The following DCHS2 variants were observed in gnomAD, a reference collection of about 807,000 sequenced individuals.
DCHS2 encodes protocadherin-23.
DCHS2 carries 142 observed loss-of-function variants against 182.4 expected under a neutral mutation model. The ratio of observed to expected loss-of-function variants is 0.78; its 90% CI spans 0.68 to 0.89. The LOEUF is 0.89. DCHS2 is among the 40% of genes least tolerant of loss of function. The pLI is 0.00. For synonymous variants in DCHS2, 1,740 were observed against 1,663.3 expected, an observed-to-expected ratio of 1.05 and a Z score of -1.12; for missense variants, 4,319 against 4,198.6, an observed-to-expected ratio of 1.03 and a Z score of -0.79.
chr4:154,295,926 C>A (rs995266385), intron 13 of DCHS2, among the ~76,000 whole-genome samples: 1 of 152,194 alleles, frequency 6.6e-6, no homozygotes, highest in Non-Finnish European at 1.5e-5. Flanking sequence ...TTCAAAACAT[C>A]AAGATCTAAT....
intron 1 of DCHS2, among the ~76,000 whole-genome samples, chr4:154,427,472 T>C (rs2110927155): frequency 6.6e-6 from 1 of 152,344 alleles, no homozygotes; most frequent in African/African-American, 2.4e-5. Flanking sequence ...TCCATGACTA[T>C]TGCCCGACCA....
At chr4:154,285,572 G>A (rs1734357288) in intron 13 of DCHS2, among the ~76,000 whole-genome samples, 1 of 152,196 alleles carries the variant, frequency 6.6e-6, no homozygotes, top group South Asian at 2.1e-4. Context: ...TTGGCCTTGA[G>A]TGAACATTAG....
Position 154,490,475 on chromosome 4 carries a change from G to A in DCHS2, c.881C>T (p.Pro294Leu), listed in dbSNP as rs1728777217. ...LRVLDENDNP[P>L]VFEQDEYRAA... ...GCGGTACTCGTCCTGCTCAAAGACC[G>A]GCGGGTTGTCGTTCTCATCCAGCAC... is the stretch of plus-strand genomic sequence containing the variant. The change falls in exon 1 of 20, where the codon CCG becomes CTG. Residue 294 changes from proline to leucine, a missense_variant. Transcript: ENST00000357232. 2.0e-6 allele frequency: 3 copies of A among 1,536,724 alleles called. No individual in the cohort carries two copies. Among genetic ancestry groups the A allele is most frequent in the South Asian group, 1.2e-5 (1 of 83,976 alleles).
chr4:154,468,286 C>T (rs1735319435), intron 1 of DCHS2, among the ~76,000 whole-genome samples: 1 of 152,022 alleles, frequency 6.6e-6, no homozygotes, highest in African/African-American at 2.4e-5. Flanking sequence ...AAATGTGCAG[C>T]AGTATTACTG....
chr4:154,384,591 G>A (rs1731318757), intron 1 of DCHS2: 3 of 1,455,880 alleles, frequency 2.1e-6, no homozygotes, highest in Non-Finnish European at 2.7e-6. Context: ...CAACAGACAT[G>A]ATTAAGTTGA....
intron 13 of DCHS2, among the ~76,000 whole-genome samples, chr4:154,278,619 T>TAA (rs199732519): frequency 2.1e-4 from 30 of 143,932 alleles, no homozygotes; most frequent in South Asian, 4.4e-4. Context: ...AATCTTAAAT[T>TAA]AAAAAAAAAA....
intron 15 of DCHS2, among the ~76,000 whole-genome samples, chr4:154,256,297 C>T (rs988348500): frequency 1.3e-5 from 2 of 152,078 alleles, no homozygotes; most frequent in Non-Finnish European, 2.9e-5. Flanking sequence ...CCATGCCCAG[C>T]TAATTTTTGT....
In DCHS2 at chr4:154,384,583, A is replaced by T. The variant is rs537823782; in HGVS notation, c.2053-7139T>A. 177 of 1,474,914 alleles carry T rather than the reference A, an allele frequency of 1.2e-4. No individual in the cohort carries two copies. The African/African-American group carries it at 2.3e-3, about 19-fold the overall frequency. 91.4% of individuals were successfully genotyped at this position (1,474,914 alleles called of 1,614,324 possible). ...GTAGTGAGTACTACCTTATATGGCA[A>T]CAGACATGATTAAGTTGAGGATTTT... On this transcript the variant is annotated intron_variant, in intron 1 of 19. Transcript: ENST00000357232.
chr4:154,454,452 C>G (rs959114732), intron 1 of DCHS2, among the ~76,000 whole-genome samples: 2 of 152,118 alleles, frequency 1.3e-5, no homozygotes, highest in East Asian at 3.8e-4. Context: ...CCATGTTGCC[C>G]AGGCTAACAA....
At position 154,329,375 on chromosome 4, in the gene DCHS2, A is replaced by G. The variant is rs1181088126; in HGVS notation, c.3918+148T>C. 3 of 743,746 alleles carry G rather than the reference A, an allele frequency of 4.0e-6. No individual in the cohort carries two copies. In the East Asian group the frequency reaches 8.3e-5, roughly 20 times the overall value. The allele number at this position is 743,746 out of a possible 1,614,324, so 46.1% of individuals were successfully genotyped here. ...TTTTTAAAAATTTTCTTTTAAAATA[A>G]CATGTGCACAGTATCTAGGTCTTCT... On this transcript the variant is annotated intron_variant, in intron 6 of 19. Coordinates refer to ENST00000357232, the MANE Select transcript of DCHS2 (RefSeq NM_001358235.2).
rs550133541 is a variant in DCHS2, at chr4:154,233,183, A to G, written c.*1353T>C. 6.6e-6 allele frequency: 1 copy of G among 152,286 alleles called. No individual in the cohort carries two copies. The highest frequency in any genetic ancestry group is 2.4e-5 in the African/African-American group (1 of 41,558). 9.4% of individuals were successfully genotyped at this position (152,286 alleles called of 1,614,324 possible). A position where few individuals can be genotyped will look rare whatever the true frequency, so the allele number is the denominator to read the frequency against. ...AGAATTCCTAAACTGTTAGCCTAAC[A>G]CCTGGCCCTCATGCTGACCACAGGA... On this transcript the variant is annotated 3_prime_UTR_variant, in exon 20 of 20. Coordinates refer to ENST00000357232, the MANE Select transcript of DCHS2 (RefSeq NM_001358235.2).
chr4:154,311,908 A>G (rs1735683794), intron 10 of DCHS2, among the ~76,000 whole-genome samples: 2 of 152,196 alleles, frequency 1.3e-5, no homozygotes, highest in South Asian at 4.1e-4. Flanking sequence ...AAGTTTTAAC[A>G]GTGATTGTCT....
At chr4:154,273,218 T>C (rs954047392) in intron 13 of DCHS2, among the ~76,000 whole-genome samples, 7 of 151,768 alleles carry the variant, frequency 4.6e-5, no homozygotes, top group African/African-American at 1.5e-4. Flanking sequence ...AATCATCGAG[T>C]AGATTAAGAA....
At chr4:154,369,220 A>C (rs1443007552) in intron 2 of DCHS2, among the ~76,000 whole-genome samples, 1 of 152,186 alleles carries the variant, frequency 6.6e-6, no homozygotes, top group Non-Finnish European at 1.5e-5. Flanking sequence ...TTTACAAAAA[A>C]GGTAGAGAAC....
intron 19 of DCHS2, 143 bp from the exon 20 acceptor site, chr4:154,237,302 A>G: frequency 9.2e-7 from 1 of 1,088,584 alleles, no homozygotes; most frequent in East Asian, 2.6e-5. Flanking sequence ...ATGACTCCAA[A>G]TAGAAATACA....
intron 1 of DCHS2, among the ~76,000 whole-genome samples, chr4:154,468,496 A>C (rs922355967): frequency 6.6e-6 from 1 of 152,098 alleles, no homozygotes; most frequent in Non-Finnish European, 1.5e-5. Flanking sequence ...ATTTATGAAT[A>C]TGTTCATTAA....
In DCHS2 at chr4:154,234,686, T is replaced by A. The variant is rs1410557614; in HGVS notation, c.9966A>T (p.Glu3322Asp). ...ATGGAGAAAAATTGGGAGTCATGCC[T>A]TCTGGCAGAGAACCAAGATGGTAGG... ...PIPYHLGSLP[E>D]GMTPNFSPSL... The change falls in exon 20 of 20, where the codon GAA (glutamate) becomes GAT (aspartate). Residue 3322 changes from glutamate (E) to aspartate (D), a missense_variant. Glu to Asp is a conservative substitution (Grantham distance 45). Transcript: ENST00000357232. 8.7e-6 allele frequency: 14 copies of A among 1,613,838 alleles called. No individual in the cohort carries two copies. Among genetic ancestry groups the A allele is most frequent in the Non-Finnish European group, 1.0e-5 (12 of 1,179,938 alleles).
Position 154,489,688 on chromosome 4 carries a change from A to G in DCHS2, c.1668T>C (p.Thr556=). ...CGGAGGCGCTGACCCACATGACTAC[A>G]GTGCCAGGGGCCGCGGCCTCGGACA... The part of the protein sequence containing the change: ...ASVSEAAAPG[T]VVMWVSASDA... Residue 556 remains threonine, a synonymous_variant, in exon 1 of 20, where the codon ACT becomes ACC. Transcript: ENST00000357232. The G allele has an allele frequency of 6.4e-7, 1 of 1,551,688 alleles. No individual in the cohort carries two copies. Among genetic ancestry groups the G allele is most frequent in the Non-Finnish European group, 8.7e-7 (1 of 1,146,980 alleles).
Position 154,476,731 on chromosome 4 carries a change from A to G in DCHS2, c.2052+12573T>C, listed in dbSNP as rs576667191. On this transcript the variant is annotated intron_variant, in intron 1 of 19. Transcript: ENST00000357232. ...GCTTATAATGAGCAGGGAAGCAGAT[A>G]CTAAGTGGTTACCTGTGAGGAATGC... 3.3e-5 allele frequency among the ~76,000 whole-genome samples: 5 copies of G among 152,352 alleles called. No homozygotes were observed. In the East Asian group the frequency reaches 5.8e-4, roughly 18 times the overall value.
Sources: gnomAD v4.1 joint callset for allele counts (sites outside exome capture counted in the v4.1 genomes callset) on GRCh38, gnomAD v4.1.1 for gene constraint, MANE v1.5 for transcripts, NCBI Gene and HGNC (gene_info 2026-07-23, HGNC 2026-07-21) for gene names.